The following ARMC2 variants were observed in gnomAD, a reference collection of about 807,000 sequenced individuals.
The protein encoded by ARMC2 is armadillo repeat-containing protein 2.
ARMC2 carries 67 observed loss-of-function variants against 90.3 expected under a neutral mutation model. That is an observed-to-expected ratio of 0.74 (90% confidence interval 0.61 to 0.91). The LOEUF is 0.91. Ranked by LOEUF, ARMC2 falls within the 40% of genes least tolerant of loss-of-function variation. The pLI is 0.00. For missense variants in ARMC2, 920 were observed against 1,030.9 expected (o/e 0.89, Z 1.47); for synonymous variants, 393 against 393.0 (o/e 1.00, Z 0.00).
At chr6:108,860,518 C>T (rs963042195) in intron 3 of ARMC2, among the ~76,000 whole-genome samples, 2 of 151,850 alleles carry the variant, frequency 1.3e-5, no homozygotes, top group African/African-American at 4.8e-5. Flanking sequence ...AAAAATTAGC[C>T]GAGTGTGGTG....
At chr6:109,024,978 G>T in the ARMC2 span, among the ~76,000 whole-genome samples, 4 of 152,228 alleles carry the variant, frequency 2.6e-5, no homozygotes, top group Non-Finnish European at 5.9e-5. Flanking sequence ...AAAACCCACC[G>T]ACAGGAGGAG....
the ARMC2 span, among the ~76,000 whole-genome samples, chr6:109,018,754 G>A: frequency 4.6e-5 from 7 of 152,110 alleles, no homozygotes; most frequent in Admixed American, 3.3e-4. Flanking sequence ...AGAATGCAAG[G>A]TGAACTATTT....
At chr6:108,970,091 C>T (rs1025754603) in intron 17 of ARMC2, among the ~76,000 whole-genome samples, 1 of 152,158 alleles carries the variant, frequency 6.6e-6, no homozygotes, top group Non-Finnish European at 1.5e-5. Context: ...GCCTCTGCTA[C>T]TCTTTGCAGT....
chr6:108,880,132 A>G (rs1385542443), intron 5 of ARMC2: 3 of 366,508 alleles, frequency 8.2e-6, no homozygotes, highest in Non-Finnish European at 1.6e-5. Context: ...CAACAAAAAA[A>G]TGGCTACGAC....
At chr6:108,886,524 TCACAC>T (rs1050617904) in intron 5 of ARMC2, among the ~76,000 whole-genome samples, 17 of 152,174 alleles carry the variant, frequency 1.1e-4, no homozygotes, top group Non-Finnish European at 2.1e-4. Flanking sequence ...TGAGCAGAGA[TCACAC>T]CACTGCACTC....
rs1436889495 is a variant in ARMC2, at chr6:108,974,385, T to C, written c.*871T>C. On this transcript the variant is annotated 3_prime_UTR_variant, in exon 18 of 18. Coordinates refer to ENST00000392644, the MANE Select transcript of ARMC2 (RefSeq NM_032131.6). ...AGTCCAGTGTATCATGTGGAGTGGG[T>C]GTTCAAGAACATTATGATGGCAAGC... 6.6e-6 allele frequency: 1 copy of C among 152,244 alleles called. No individual in the cohort carries two copies. The highest frequency in any genetic ancestry group is 1.5e-5 in the Non-Finnish European group (1 of 68,038). 9.4% of individuals were successfully genotyped at this position (152,244 alleles called of 1,614,324 possible).
the ARMC2 span, among the ~76,000 whole-genome samples, chr6:109,046,768 G>C: frequency 3.6e-5 from 5 of 137,850 alleles, no homozygotes; most frequent in East Asian, 6.5e-4. Flanking sequence ...GCCTCTGCCC[G>C]GCCGAGACCC....
At chr6:108,917,567 A>G (rs1774093280) in intron 10 of ARMC2, among the ~76,000 whole-genome samples, 1 of 152,200 alleles carries the variant, frequency 6.6e-6, no homozygotes, top group Admixed American at 6.5e-5. Flanking sequence ...AGTTACAGAA[A>G]GGAACTGGAT....
chr6:108,979,404 T>C (rs12200902), downstream of ARMC2, among the ~76,000 whole-genome samples: 13,628 of 152,230 alleles, frequency 0.09, 837 homozygotes, highest in Middle Eastern at 0.2. Context: ...ATCCGACCTT[T>C]CTCTCTGGCT....
chr6:108,987,750 A>G, the ARMC2 span: 2 of 507,038 alleles, frequency 3.9e-6, no homozygotes, highest in Admixed American at 3.5e-5. Context: ...GTAGTACAGC[A>G]TAACTTAGCC....
intron 6 of ARMC2, among the ~76,000 whole-genome samples, chr6:108,899,316 A>T (rs1042251499): frequency 2.6e-5 from 4 of 152,326 alleles, no homozygotes; most frequent in African/African-American, 9.6e-5. Flanking sequence ...TTTTCATTAC[A>T]CATTTTTAAA....
At chr6:109,002,806 C>T in the ARMC2 span, among the ~76,000 whole-genome samples, 6 of 152,128 alleles carry the variant, frequency 3.9e-5, no homozygotes, top group South Asian at 2.1e-4. Context: ...CAACACCTCA[C>T]GGTTAGAATG....
At chr6:108,894,590 G>A (rs781185368) in intron 6 of ARMC2, 47 bp downstream of exon 6, 3 of 1,518,518 alleles carry the variant, frequency 2.0e-6, no homozygotes, top group African/African-American at 2.8e-5. Flanking sequence ...CCACTTGAAG[G>A]AAAGATGTTT....
chr6:108,992,457 C>G, the ARMC2 span, among the ~76,000 whole-genome samples: 2 of 152,038 alleles, frequency 1.3e-5, no homozygotes, highest in Non-Finnish European at 2.9e-5. Flanking sequence ...TTATGGTTCT[C>G]AAATATTTTC....
intron 10 of ARMC2, among the ~76,000 whole-genome samples, chr6:108,926,723 T>C (rs1775134903): frequency 2.0e-5 from 3 of 150,452 alleles, no homozygotes; most frequent in Admixed American, 2.0e-4. Context: ...AGACTCTGTC[T>C]CCAAAAAAAA....
At position 108,912,328 on chromosome 6, in the gene ARMC2, T is replaced by G; in HGVS notation, c.1127-7T>G. 6.4e-7 allele frequency: 1 copy of G among 1,574,682 alleles called. No homozygotes were observed. Among genetic ancestry groups the G allele is most frequent in the Admixed American group, 1.8e-5 (1 of 54,764 alleles). ...CAGACATTTATAATAATTAATCTTT[T>G]TGACAGAATCATTATTGGAGGTACT... is the stretch of plus-strand genomic sequence containing the variant. On this transcript the variant is annotated splice_region_variant and splice_polypyrimidine_tract_variant and intron_variant, in intron 9 of 17. Transcript: ENST00000392644.
At chr6:109,051,602 A>C in the ARMC2 span, among the ~76,000 whole-genome samples, 5 of 152,250 alleles carry the variant, frequency 3.3e-5, no homozygotes, top group African/African-American at 1.2e-4. Flanking sequence ...AATTGTGGTC[A>C]CTGGTTTTCT....
At chr6:108,995,226 A>G in the ARMC2 span, among the ~76,000 whole-genome samples, 3 of 152,232 alleles carry the variant, frequency 2.0e-5, no homozygotes. Flanking sequence ...AATTTAAAGC[A>G]GAACTGCGTA....
the ARMC2 span, among the ~76,000 whole-genome samples, chr6:108,980,615 C>G: frequency 6.6e-6 from 1 of 152,140 alleles, no homozygotes; most frequent in Non-Finnish European, 1.5e-5. Flanking sequence ...GCCCCTTCCC[C>G]CATGTGCTCT....
Sources: gnomAD v4.1 joint callset for allele counts (sites outside exome capture counted in the v4.1 genomes callset) on GRCh38, gnomAD v4.1.1 for gene constraint, MANE v1.5 for transcripts, NCBI Gene and HGNC (gene_info 2026-07-23, HGNC 2026-07-21) for gene names.